The following SEPTIN9 variants were observed in gnomAD, a reference collection of about 807,000 sequenced individuals.
The protein encoded by SEPTIN9 is septin-9.
SEPTIN9 carries 13 observed loss-of-function variants against 56.6 expected under a neutral mutation model. The ratio of observed to expected loss-of-function variants is 0.23; its 90% CI spans 0.15 to 0.37. The LOEUF (loss-of-function observed/expected upper bound fraction) is 0.37, where lower values mean the gene tolerates loss of function less well. Ranked by LOEUF, SEPTIN9 falls within the 10% of genes least tolerant of loss-of-function variation. SEPTIN9 has a pLI of 1.00. For missense variants in SEPTIN9, 650 were observed against 823.1 expected (o/e 0.79, Z 2.57); for synonymous variants, 332 against 334.1 (o/e 0.99, Z 0.07).
At chr17:77,413,263 C>T (rs1261625121) in intron 3 of SEPTIN9, among the ~76,000 whole-genome samples, 9 of 152,122 alleles carry the variant, frequency 5.9e-5, no homozygotes, top group African/African-American at 1.4e-4. Flanking sequence ...AGAATTCACT[C>T]GTGAAACCAT....
At chr17:77,490,650 G>GAGGTGT in intron 7 of SEPTIN9, 92 bp from the exon 8 acceptor site, 1 of 1,004,620 alleles carries the variant, frequency 1.0e-6, no homozygotes, top group Admixed American at 2.0e-5. Context: ...CCCCGAGCCA[G>GAGGTGT]CACCTGAGAG....
chr17:77,299,093 G>T (rs148676422), intron 1 of SEPTIN9, among the ~76,000 whole-genome samples: 1 of 152,332 alleles, frequency 6.6e-6, no homozygotes, highest in East Asian at 1.9e-4. Flanking sequence ...GCCAGTTGTG[G>T]CATGTGAAGC....
At chr17:77,484,023 T>C (rs444487) in intron 4 of SEPTIN9, 82,968 of 152,122 alleles carry the variant, frequency 0.55, 23,785 homozygotes, top group African/African-American at 0.73. Context: ...GGGGTGAGGC[T>C]TGTGTGTCTT....
chr17:77,494,874 C>A (rs1232804807), intron 10 of SEPTIN9, among the ~76,000 whole-genome samples: 1 of 152,244 alleles, frequency 6.6e-6, no homozygotes, highest in Non-Finnish European at 1.5e-5. Flanking sequence ...TACCACCACC[C>A]CTGCCGGGCC....
intron 3 of SEPTIN9, among the ~76,000 whole-genome samples, chr17:77,480,312 C>G (rs939731197): frequency 2.0e-5 from 3 of 152,228 alleles, no homozygotes; most frequent in African/African-American, 7.2e-5. Flanking sequence ...AGAGTCTTTT[C>G]CTCTCTCACC....
chr17:77,411,000 A>T (rs2036275873), intron 3 of SEPTIN9, among the ~76,000 whole-genome samples: 1 of 151,586 alleles, frequency 6.6e-6, no homozygotes, highest in Non-Finnish European at 1.5e-5. Flanking sequence ...CAGGAGAATC[A>T]CTTGAACCCA....
chr17:77,491,493 TC>T (rs1489696719), intron 8 of SEPTIN9, among the ~76,000 whole-genome samples: 1 of 149,740 alleles, frequency 6.7e-6, no homozygotes, highest in Non-Finnish European at 1.5e-5. Context: ...CCACCTCACC[TC>T]GCCCTGCCTG....
rs1174987714 is a variant in SEPTIN9 at position 77,389,321 on chromosome 17, G to T, written c.77-12738G>T. Among the ~76,000 whole-genome samples the T allele has an allele frequency of 2.6e-5, 4 of 152,242 alleles. No individual in the cohort carries two copies. In the East Asian group the frequency reaches 7.7e-4, roughly 29 times the overall value. On this transcript the variant is annotated intron_variant, in intron 2 of 11. Coordinates refer to ENST00000427177, the MANE Select transcript of SEPTIN9 (RefSeq NM_001113491.2). This position sits in a 1 kb window ranked among gnomAD's most constrained non-coding sequence, Gnocchi z 4.3. ...GGCGACCCTGTGGTGGGGACGAGGG[G>T]GCTATGAGCAGACCAGGAGCCAGCA...
chr17:77,341,059 C>A (rs2033709812), intron 2 of SEPTIN9, among the ~76,000 whole-genome samples: 1 of 152,226 alleles, frequency 6.6e-6, no homozygotes, highest in Non-Finnish European at 1.5e-5. Context: ...AGCATTAAGG[C>A]TGTTTTGCTT....
intron 3 of SEPTIN9, among the ~76,000 whole-genome samples, chr17:77,412,740 T>C (rs1431901751): frequency 6.6e-6 from 1 of 151,066 alleles, no homozygotes; most frequent in Non-Finnish European, 1.5e-5. Context: ...AAAAAAAGAG[T>C]TATTTGTACA....
chr17:77,473,095 C>CGCTCTGT (rs2039070304), intron 3 of SEPTIN9, among the ~76,000 whole-genome samples: 1 of 152,228 alleles, frequency 6.6e-6, no homozygotes. Context: ...TCTGTCCACC[C>CGCTCTGT]GCTCTGGAGT....
rs528252274 is a variant in SEPTIN9, at chr17:77,389,972, C to T, written c.77-12087C>T. 6.6e-6 allele frequency among the ~76,000 whole-genome samples: 1 copy of T among 152,100 alleles called. No homozygotes were observed. The highest frequency in any genetic ancestry group is 2.1e-4 in the South Asian group (1 of 4,804). On this transcript the variant is annotated intron_variant, in intron 2 of 11. Coordinates refer to ENST00000427177, the MANE Select transcript of SEPTIN9 (RefSeq NM_001113491.2). The surrounding 1 kb of genome is among the most constrained non-coding windows in gnomAD (Gnocchi z 4.3). ...AGCAACTTAGCGCCACTTTAAAGTC[C>T]GCCTGGAATGACCCTGTGGCTGCCG...
intron 2 of SEPTIN9, among the ~76,000 whole-genome samples, chr17:77,362,652 G>T (rs560899296): frequency 6.6e-6 from 1 of 152,222 alleles, no homozygotes; most frequent in Non-Finnish European, 1.5e-5. Flanking sequence ...CTGTGCCTTC[G>T]CAGTCTGAGC....
rs1004413912 is a variant in SEPTIN9 at position 77,326,069 on chromosome 17, C to T, written c.76+18872C>T. Among the ~76,000 whole-genome samples the T allele has an allele frequency of 8.5e-5, 13 of 152,250 alleles. No individual in the cohort carries two copies. In the South Asian group the frequency reaches 2.3e-3, roughly 27 times the overall value. ...CCTGGAAGCACTTGCCATCCTTATA[C>T]AGCACCCCACACCCACCTCCCCGCC... On this transcript the variant is annotated intron_variant, in intron 2 of 11. Transcript: ENST00000427177. This position sits in a 1 kb window ranked among gnomAD's most constrained non-coding sequence, Gnocchi z 5.1.
chr17:77,373,347 C>T, intron 2 of SEPTIN9: 1 of 1,184,042 alleles, frequency 8.4e-7, no homozygotes, highest in South Asian at 4.1e-5. Flanking sequence ...ATTCATTCAG[C>T]TGAGCCAGGG....
chr17:77,482,004 G>C (rs962112677), intron 3 of SEPTIN9, 140 bp from the exon 4 acceptor site: 3 of 763,106 alleles, frequency 3.9e-6, no homozygotes, highest in Non-Finnish European at 6.2e-6. Context: ...ATTCTCAGGG[G>C]TCGCCTGGGC....
At chr17:77,461,208 A>T (rs949132132) in intron 3 of SEPTIN9, among the ~76,000 whole-genome samples, 2 of 152,166 alleles carry the variant, frequency 1.3e-5, no homozygotes, top group Non-Finnish European at 2.9e-5. Flanking sequence ...CGGGAGGCTG[A>T]GGCAGGAGAA....
Position 77,445,405 on chromosome 17 carries a change from A to G in SEPTIN9, c.722-36739A>G, listed in dbSNP as rs764212542. ...TGGGGTGTTGCCCAGGATGGATTGG[A>G]AAAGAGTTGGCAGGAAGGCTGAGCT... On this transcript the variant is annotated intron_variant, in intron 3 of 11. Transcript: ENST00000427177. The surrounding 1 kb of genome is among the most constrained non-coding windows in gnomAD (Gnocchi z 4.7). 4.3e-6 allele frequency: 2 copies of G among 468,592 alleles called. No homozygotes were observed. Among genetic ancestry groups the G allele is most frequent in the South Asian group, 3.1e-5 (2 of 64,556 alleles). 29.0% of individuals were successfully genotyped at this position (468,592 alleles called of 1,614,324 possible). A position where few individuals can be genotyped will look rare whatever the true frequency, so the allele number is the denominator to read the frequency against.
In SEPTIN9 at chr17:77,319,833, G is replaced by A; in HGVS notation, c.76+12636G>A. 5 of 1,080,756 alleles carry A rather than the reference G, an allele frequency of 4.6e-6. No individual in the cohort carries two copies. The highest frequency in any genetic ancestry group is 5.6e-6 in the Non-Finnish European group (5 of 888,080). 66.9% of individuals were successfully genotyped at this position (1,080,756 alleles called of 1,614,324 possible). On this transcript the variant is annotated intron_variant, in intron 2 of 11. Coordinates refer to ENST00000427177, the MANE Select transcript of SEPTIN9 (RefSeq NM_001113491.2). The surrounding 1 kb of genome is among the most constrained non-coding windows in gnomAD (Gnocchi z 5.3). ...GTTGGTTTCCAAGAGTCTAAGTTAAGCATCTCCAAGTGGATATTAAAAAGG... is the reference window on the plus strand; with the variant it reads ...GTTGGTTTCCAAGAGTCTAAGTTAAACATCTCCAAGTGGATATTAAAAAGG...
Sources: allele counts gnomAD v4.1 joint callset (sites outside exome capture counted in the v4.1 genomes callset), GRCh38; gene constraint gnomAD v4.1.1; non-coding constraint Gnocchi (gnomAD v3.1); transcripts MANE v1.5; gene names NCBI Gene and HGNC (gene_info 2026-07-23, HGNC 2026-07-21).